The following IL1RAPL1 variants were observed in gnomAD, a reference collection of about 807,000 sequenced individuals.
IL1RAPL1 encodes the protein interleukin-1 receptor accessory protein-like 1.
Under a neutral mutation model 48.4 loss-of-function variants are expected in IL1RAPL1, and 3 were observed. That is an observed-to-expected ratio of 0.06 (90% CI 0.03 to 0.16). The LOEUF is 0.16. Ranked by LOEUF, IL1RAPL1 falls within the 10% of genes least tolerant of loss-of-function variation. The probability of loss-of-function intolerance (pLI) is 1.00; values close to 1 mark genes in which losing one functional copy is unlikely to be tolerated. For synonymous variants in IL1RAPL1, 185 were observed against 187.7 expected (o/e 0.99, Z 0.12); for missense variants, 349 against 530.6 (o/e 0.66, Z 3.36).
At chrX:29,132,252 A>T (rs1035106542) in intron 2 of IL1RAPL1, among the ~76,000 whole-genome samples, 5 of 111,752 alleles carry the variant, frequency 4.5e-5, no homozygotes, top group African/African-American at 1.6e-4. Flanking sequence ...GCTTATTAAT[A>T]CAGTCATATG....
At chrX:29,097,472 T>C (rs1218365052) in intron 2 of IL1RAPL1, among the ~76,000 whole-genome samples, 1 of 112,033 alleles carries the variant, frequency 8.9e-6, no homozygotes, top group Admixed American at 9.5e-5. Context: ...GAGCAAGTAC[T>C]GAAGCTTCTC....
At chrX:28,591,321 G>A (rs1242989522) in intron 1 of IL1RAPL1, among the ~76,000 whole-genome samples, 1 of 111,961 alleles carries the variant, frequency 8.9e-6, no homozygotes, top group Admixed American at 9.5e-5. Flanking sequence ...CAACATATGT[G>A]AACAAATCAG....
chrX:29,505,087 AAAAAG>A (rs1369125413), intron 5 of IL1RAPL1, among the ~76,000 whole-genome samples: 1 of 112,333 alleles, frequency 8.9e-6, no homozygotes, highest in African/African-American at 3.2e-5. Flanking sequence ...ATCTTAGATA[AAAAAG>A]AAAAGAATAG....
intron 3 of IL1RAPL1, among the ~76,000 whole-genome samples, chrX:29,332,014 ATGAT>A (rs1206431700): frequency 3.8e-5 from 4 of 104,987 alleles, no homozygotes; most frequent in Non-Finnish European, 3.9e-5. Context: ...TATTATTACT[ATGAT>A]TGTTATTTTT....
In IL1RAPL1 at chrX:29,766,342, A is replaced by AAAAAAAAAAATAT. The variant is rs1200679211; in HGVS notation, c.778+97839_778+97840insAAAAAAAAATATA. 6.3e-5 allele frequency among the ~76,000 whole-genome samples: 3 copies of AAAAAAAAAAATAT among 47,542 alleles called. 1 individual carries two copies. The highest frequency in any genetic ancestry group is 2.7e-4 in the African/African-American group (3 of 11,059). The allele number at this position is 47,542 out of a possible 115,157, so 41.3% of individuals were successfully genotyped here. ...GACTCCGTCTCAAAAAAAAAAAAAA[A>AAAAAAAAAAATAT]ATATATATATATATATATATAGATA... On this transcript the variant is annotated intron_variant, in intron 6 of 10. Coordinates refer to ENST00000378993, the MANE Select transcript of IL1RAPL1 (RefSeq NM_014271.4).
intron 5 of IL1RAPL1, among the ~76,000 whole-genome samples, chrX:29,485,940 A>G (rs922411413): frequency 2.7e-5 from 3 of 111,240 alleles, no homozygotes; most frequent in African/African-American, 9.8e-5. Context: ...ATCTGTAGGC[A>G]CATTAAAGTT....
intron 2 of IL1RAPL1, among the ~76,000 whole-genome samples, chrX:29,041,417 G>C (rs763177555): frequency 8.9e-6 from 1 of 111,958 alleles, no homozygotes; most frequent in East Asian, 2.8e-4. Flanking sequence ...ACAGACTTGA[G>C]AAAGATATCC....
At chrX:29,160,888 T>G (rs895250726) in intron 2 of IL1RAPL1, among the ~76,000 whole-genome samples, 1 of 111,610 alleles carries the variant, frequency 9.0e-6, no homozygotes, top group African/African-American at 3.3e-5. Flanking sequence ...ACCCTGTCTC[T>G]ACTAAAAATA....
intron 3 of IL1RAPL1, among the ~76,000 whole-genome samples, chrX:29,390,199 C>T (rs763425541): frequency 1.8e-5 from 2 of 111,866 alleles, no homozygotes; most frequent in Non-Finnish European, 3.8e-5. Context: ...TGATTAGACA[C>T]GATGGTCAAA....
intron 1 of IL1RAPL1, among the ~76,000 whole-genome samples, chrX:28,646,582 T>C (rs946045446): frequency 1.9e-4 from 21 of 112,836 alleles, no homozygotes; most frequent in African/African-American, 6.7e-4. Flanking sequence ...TGGTATATTT[T>C]ATCTTTCTAA....
At chrX:28,726,674 TATTA>T (rs1345549213) in intron 1 of IL1RAPL1, among the ~76,000 whole-genome samples, 1 of 112,328 alleles carries the variant, frequency 8.9e-6, no homozygotes. Context: ...ACTCTACAGT[TATTA>T]ATTGACTTAT....
intron 10 of IL1RAPL1, 151 bp from the exon 11 acceptor site, chrX:29,954,951 G>A: frequency 1.8e-6 from 1 of 542,051 alleles, no homozygotes. Context: ...TTTGTACCGG[G>A]AAAAAAAAAT....
chrX:29,693,607 AG>A (rs1926832679), intron 6 of IL1RAPL1, among the ~76,000 whole-genome samples: 2 of 112,100 alleles, frequency 1.8e-5, no homozygotes, highest in African/African-American at 6.5e-5. Context: ...TATGAGCTTG[AG>A]CAATAATTGC....
chrX:28,755,051 C>T (rs950092512), intron 1 of IL1RAPL1, among the ~76,000 whole-genome samples: 65 of 111,267 alleles, frequency 5.8e-4, no homozygotes, highest in Non-Finnish European at 1.9e-4. Flanking sequence ...TGGAGTGCAA[C>T]GGCACGATCT....
At chrX:29,638,922 C>T (rs1048323901) in intron 5 of IL1RAPL1, among the ~76,000 whole-genome samples, 6 of 112,143 alleles carry the variant, frequency 5.4e-5, no homozygotes, top group African/African-American at 1.9e-4. Context: ...CGCGGTGGCT[C>T]ACGCCTGTAA....
At chrX:29,414,737 T>G (rs1934193000) in intron 5 of IL1RAPL1, among the ~76,000 whole-genome samples, 1 of 111,713 alleles carries the variant, frequency 9.0e-6, no homozygotes, top group African/African-American at 3.3e-5. Flanking sequence ...TTTCTCTACT[T>G]CATGTTGGCT....
chrX:29,005,379 C>T (rs190194910), intron 2 of IL1RAPL1, among the ~76,000 whole-genome samples: 3 of 111,929 alleles, frequency 2.7e-5, no homozygotes, highest in East Asian at 5.6e-4. Context: ...AAGTTGAATG[C>T]ATAATGACTA....
At chrX:29,757,667 A>G (rs1404279781) in intron 6 of IL1RAPL1, among the ~76,000 whole-genome samples, 1 of 112,250 alleles carries the variant, frequency 8.9e-6, no homozygotes, top group Non-Finnish European at 1.9e-5. Context: ...TATTATAGCA[A>G]TAAAACTAAT....
At chrX:28,909,071 C>T (rs745416887) in intron 2 of IL1RAPL1, among the ~76,000 whole-genome samples, 5 of 111,034 alleles carry the variant, frequency 4.5e-5, no homozygotes, top group African/African-American at 1.6e-4. Context: ...TTCAACCTAT[C>T]TGTCTTTGAT....
Sources: gnomAD v4.1 joint callset for allele counts (sites outside exome capture counted in the v4.1 genomes callset) on GRCh38, gnomAD v4.1.1 for gene constraint, MANE v1.5 for transcripts, NCBI Gene and HGNC (gene_info 2026-07-23, HGNC 2026-07-21) for gene names.